Variants in LHPP observed in about 807,000 individuals in gnomAD.
LHPP encodes hLHPP.
A neutral mutation model predicts 30.3 loss-of-function variants in LHPP; 24 were observed. The ratio of observed to expected loss-of-function variants is 0.79; its 90% CI spans 0.57 to 1.11. The LOEUF (loss-of-function observed/expected upper bound fraction) is 1.11. Among genes scored for constraint, LHPP ranks in the 50% most tolerant of loss-of-function variants. The pLI is 0.00. For synonymous variants in LHPP, 150 were observed against 157.1 expected, an observed-to-expected ratio of 0.95 and a Z score of 0.34; for missense variants, 356 against 367.2, an observed-to-expected ratio of 0.97 and a Z score of 0.25.
intron 6 of LHPP, among the ~76,000 whole-genome samples, chr10:124,570,262 A>G (rs1376862217): frequency 6.6e-6 from 1 of 151,938 alleles, no homozygotes; most frequent in East Asian, 1.9e-4. Flanking sequence ...CAGTGGACTC[A>G]CTGTCTCCCT....
At chr10:124,546,611 CAT>C (rs1955349686) in intron 6 of LHPP, among the ~76,000 whole-genome samples, 4 of 152,226 alleles carry the variant, frequency 2.6e-5, no homozygotes, top group Admixed American at 2.6e-4. Context: ...GGGGTTTCAC[CAT>C]GTTAGCCAGG....
chr10:124,530,008 A>T (rs1407240381), intron 6 of LHPP, among the ~76,000 whole-genome samples: 1 of 152,182 alleles, frequency 6.6e-6, no homozygotes, highest in Non-Finnish European at 1.5e-5. Context: ...GTGCCTTGCC[A>T]CAGGGCCCAG....
chr10:124,523,199 T>G lies in LHPP; in HGVS notation c.716+5928T>G, dbSNP rs1193350668. ...GATGTTTTATAAGCCCCGAACGTTC[T>G]TGACAAACAGTTTGCCCTTCGGAGA... On this transcript the variant is annotated intron_variant, in intron 6 of 6. Transcript: ENST00000368842. The surrounding 1 kb of genome is among the most constrained non-coding windows in gnomAD (Gnocchi z 4.2). 1.3e-5 allele frequency among the ~76,000 whole-genome samples: 2 copies of G among 152,268 alleles called. No homozygotes were observed. The highest frequency in any genetic ancestry group is 2.9e-5 in the Non-Finnish European group (2 of 68,050).
intron 1 of LHPP, among the ~76,000 whole-genome samples, chr10:124,475,739 C>T (rs1472782460): frequency 2.1e-5 from 3 of 141,674 alleles, no homozygotes; most frequent in African/African-American, 9.1e-5. Flanking sequence ...TGGCCTTTGT[C>T]CCCTGCAGCC....
At chr10:124,515,480 TCTC>T (rs552138623) in intron 5 of LHPP, among the ~76,000 whole-genome samples, 153 of 152,318 alleles carry the variant, frequency 1.0e-3, no homozygotes, top group Middle Eastern at 3.4e-3. Context: ...AACTCATCTT[TCTC>T]CTCCTTCTGC....
At chr10:124,611,130 C>G (rs574551381) in intron 6 of LHPP, among the ~76,000 whole-genome samples, 3 of 151,940 alleles carry the variant, frequency 2.0e-5, no homozygotes, top group Admixed American at 2.0e-4. Context: ...GCAGAGTGGC[C>G]GTGCTTGGGA....
At chr10:124,568,946 T>G (rs1010571284) in intron 6 of LHPP, among the ~76,000 whole-genome samples, 10 of 151,692 alleles carry the variant, frequency 6.6e-5, no homozygotes, top group Non-Finnish European at 1.5e-5. Context: ...GCATGTTCTG[T>G]CCCCCCCACG....
At chr10:124,477,596 T>C (rs1245850270) in intron 1 of LHPP, among the ~76,000 whole-genome samples, 2 of 152,164 alleles carry the variant, frequency 1.3e-5, no homozygotes, top group African/African-American at 4.8e-5. Context: ...GATCTGGAAC[T>C]TGGGTCAGTT....
At chr10:124,519,208 G>A (rs1279877570) in intron 6 of LHPP, among the ~76,000 whole-genome samples, 1 of 152,190 alleles carries the variant, frequency 6.6e-6, no homozygotes, top group African/African-American at 2.4e-5. Flanking sequence ...TCTTCCTCCG[G>A]AAGTGCTGGG....
chr10:124,467,705 TG>T (rs1952594720), intron 1 of LHPP, among the ~76,000 whole-genome samples: 2 of 131,254 alleles, frequency 1.5e-5, no homozygotes, highest in African/African-American at 5.8e-5. Context: ...TGTGTGTGTG[TG>T]TTTTTTGTTG....
intron 6 of LHPP, among the ~76,000 whole-genome samples, chr10:124,569,748 C>T (rs760755657): frequency 3.1e-4 from 47 of 152,140 alleles, no homozygotes; most frequent in Non-Finnish European, 4.7e-4. Flanking sequence ...TGTAAGGCAG[C>T]GGAGCCGAGA....
At chr10:124,463,964 G>A (rs1172654204) in intron 1 of LHPP, among the ~76,000 whole-genome samples, 2 of 151,690 alleles carry the variant, frequency 1.3e-5, no homozygotes, top group Non-Finnish European at 2.9e-5. Flanking sequence ...CTACAGGCAC[G>A]TGCCACCATG....
Position 124,478,366 on chromosome 10 carries a change from TAG to T in LHPP, c.126-5770_126-5769del, listed in dbSNP as rs1953016821. Among the ~76,000 whole-genome samples, 1 of 152,140 alleles carries T rather than the reference TAG, an allele frequency of 6.6e-6. No individual in the cohort carries two copies. The highest frequency in any genetic ancestry group is 2.1e-4 in the South Asian group (1 of 4,834). ...ACACGAAGGTGACCAGTACCGGGGCTAGAGGGCAGGGGGCCCAGCTGGGAGGG... is the reference window on the plus strand; with the variant it reads ...ACACGAAGGTGACCAGTACCGGGGCTAGGGCAGGGGGCCCAGCTGGGAGGG... On this transcript the variant is annotated intron_variant, in intron 1 of 6. Coordinates refer to ENST00000368842, the MANE Select transcript of LHPP (RefSeq NM_022126.4). This position sits in a 1 kb window ranked among gnomAD's most constrained non-coding sequence, Gnocchi z 4.7.
chr10:124,533,721 C>G (rs1407165332), intron 6 of LHPP, among the ~76,000 whole-genome samples: 1 of 152,244 alleles, frequency 6.6e-6, no homozygotes, highest in Admixed American at 6.5e-5. Context: ...CAAGACACAG[C>G]CCAGCTTTGC....
rs369820706 is a variant in LHPP, at chr10:124,477,023, T to C, written c.126-7116T>C. 1.2e-3 allele frequency among the ~76,000 whole-genome samples: 186 copies of C among 152,258 alleles called. 7 individuals carry two copies. In the South Asian group the frequency reaches 0.037, roughly 31 times the overall value. ...GAGTTCAAGACCAGCCTAGCCAACA[T>C]AGCGAAACCCGTCTACTAAAAATAC... is the stretch of plus-strand genomic sequence containing the variant. On this transcript the variant is annotated intron_variant, in intron 1 of 6. Coordinates refer to ENST00000368842, the MANE Select transcript of LHPP (RefSeq NM_022126.4).
At chr10:124,482,901 C>T (rs1953186111) in intron 1 of LHPP, among the ~76,000 whole-genome samples, 1 of 152,232 alleles carries the variant, frequency 6.6e-6, no homozygotes, top group South Asian at 2.1e-4. Context: ...CAACCTCCTC[C>T]TATTCCAACC....
intron 6 of LHPP, among the ~76,000 whole-genome samples, chr10:124,520,138 CT>C (rs564219403): frequency 9.4e-5 from 14 of 149,252 alleles, no homozygotes; most frequent in East Asian, 1.9e-4. Flanking sequence ...CGGCCTCTTT[CT>C]TTTTTTTTTA....
At chr10:124,594,380 A>G (rs1205012423) in intron 6 of LHPP, among the ~76,000 whole-genome samples, 1 of 150,088 alleles carries the variant, frequency 6.7e-6, no homozygotes, top group African/African-American at 2.4e-5. Flanking sequence ...AAGGGAACTT[A>G]AAAGAAAAAA....
Position 124,593,971 on chromosome 10 carries a change from T to C in LHPP, c.717-19293T>C, listed in dbSNP as rs1948911969. Among the ~76,000 whole-genome samples, 1 of 152,234 alleles carries C rather than the reference T, an allele frequency of 6.6e-6. No individual in the cohort carries two copies. The highest frequency in any genetic ancestry group is 1.5e-5 in the Non-Finnish European group (1 of 68,036). ...CTGGGCTGCAGAATACCCTTGACCTTTCAGCATCCTCAGTACCTCTGTGGA... is the reference window on the plus strand; with the variant it reads ...CTGGGCTGCAGAATACCCTTGACCTCTCAGCATCCTCAGTACCTCTGTGGA... On this transcript the variant is annotated intron_variant, in intron 6 of 6. Coordinates refer to ENST00000368842, the MANE Select transcript of LHPP (RefSeq NM_022126.4). This position sits in a 1 kb window ranked among gnomAD's most constrained non-coding sequence, Gnocchi z 4.9.
Sources: gnomAD v4.1 joint callset for allele counts (sites outside exome capture counted in the v4.1 genomes callset) on GRCh38, gnomAD v4.1.1 for gene constraint, Gnocchi (gnomAD v3.1) non-coding constraint, MANE v1.5 for transcripts, NCBI Gene and HGNC (gene_info 2026-07-23, HGNC 2026-07-21) for gene names.